The following NOL4 variants were observed in gnomAD, a reference collection of about 807,000 sequenced individuals.
NOL4 encodes cancer/testis antigen 125.
A neutral mutation model predicts 75.9 loss-of-function variants in NOL4; 17 were observed. The ratio of observed to expected loss-of-function variants is 0.22; its 90% CI spans 0.15 to 0.34. The LOEUF is 0.34. NOL4 is among the 10% of genes least tolerant of loss of function. The pLI is 1.00. For synonymous variants in NOL4, 292 were observed against 289.9 expected, an observed-to-expected ratio of 1.01 and a Z score of -0.07; for missense variants, 614 against 793.5, an observed-to-expected ratio of 0.77 and a Z score of 2.72.
At chr18:33,959,722 AC>A (rs1282503105) in intron 6 of NOL4, among the ~76,000 whole-genome samples, 1 of 152,106 alleles carries the variant, frequency 6.6e-6, no homozygotes, top group Non-Finnish European at 1.5e-5. Flanking sequence ...ACAACTGCAT[AC>A]CTAGTCAATT....
chr18:34,189,831 G>A (rs1310461949), intron 1 of NOL4, among the ~76,000 whole-genome samples: 2 of 151,786 alleles, frequency 1.3e-5, no homozygotes, highest in African/African-American at 4.8e-5. Flanking sequence ...ATCCAAAAGA[G>A]TCATATTGGC....
intron 9 of NOL4, among the ~76,000 whole-genome samples, chr18:33,936,408 T>G (rs755490555): frequency 2.1e-4 from 4 of 19,134 alleles, no homozygotes; most frequent in African/African-American, 5.0e-4. Flanking sequence ...TAGCAGTGAG[T>G]TTTTTTTTTT....
chr18:34,152,712 A>G (rs182411894), intron 1 of NOL4, among the ~76,000 whole-genome samples: 128 of 152,014 alleles, frequency 8.4e-4, no homozygotes, highest in African/African-American at 2.9e-3. Flanking sequence ...CTCTGAGGGC[A>G]AATGCTGAAA....
intron 9 of NOL4, among the ~76,000 whole-genome samples, chr18:33,884,104 G>A (rs1329399415): frequency 6.6e-6 from 1 of 152,060 alleles, no homozygotes; most frequent in African/African-American, 2.4e-5. Flanking sequence ...TAATTTTTAT[G>A]TTAGAATTGC....
chr18:34,222,859 G>C, intron 1 of NOL4, 131 bp downstream of exon 1: 1 of 1,203,216 alleles, frequency 8.3e-7, no homozygotes, highest in East Asian at 2.4e-5. Flanking sequence ...CTTGGGGAGG[G>C]GGTTGAGGAA....
At chr18:34,074,975 GTACT>G (rs2145312858) in intron 5 of NOL4, among the ~76,000 whole-genome samples, 3 of 152,236 alleles carry the variant, frequency 2.0e-5, no homozygotes, top group African/African-American at 7.2e-5. Context: ...CTCATAGTAA[GTACT>G]TAATAATTAA....
At chr18:34,124,580 G>A (rs2080296337) in intron 2 of NOL4, among the ~76,000 whole-genome samples, 1 of 151,866 alleles carries the variant, frequency 6.6e-6, no homozygotes, top group Non-Finnish European at 1.5e-5. Context: ...CATACCAAAC[G>A]CTATTAGGTG....
intron 1 of NOL4, among the ~76,000 whole-genome samples, chr18:34,146,296 T>C (rs2081388808): frequency 6.6e-6 from 1 of 151,958 alleles, no homozygotes; most frequent in Non-Finnish European, 1.5e-5. Context: ...CATGAAGTCT[T>C]TGCCTATGCC....
chr18:34,142,376 G>C (rs1427544736), intron 1 of NOL4, among the ~76,000 whole-genome samples: 1 of 152,156 alleles, frequency 6.6e-6, no homozygotes, highest in Non-Finnish European at 1.5e-5. Context: ...AAAGACATAT[G>C]CACATGTATG....
chr18:34,043,876 C>T (rs1211387053), intron 5 of NOL4, among the ~76,000 whole-genome samples: 1 of 152,060 alleles, frequency 6.6e-6, no homozygotes, highest in Non-Finnish European at 1.5e-5. Context: ...TTTTGACTTT[C>T]TAATTCAAGA....
At chr18:34,222,616 G>C (rs1238948049) in intron 1 of NOL4, 1 of 299,340 alleles carries the variant, frequency 3.3e-6, no homozygotes, top group East Asian at 1.7e-4. Flanking sequence ...CTTTAGGCGC[G>C]GTGGCGGCGG....
intron 6 of NOL4, among the ~76,000 whole-genome samples, chr18:33,958,812 T>C (rs999332329): frequency 6.6e-6 from 1 of 152,096 alleles, no homozygotes; most frequent in Non-Finnish European, 1.5e-5. Flanking sequence ...CAGAGCATTG[T>C]CAATATTAGT....
rs775300817 is a variant in NOL4, at chr18:33,943,113, C to T, written c.1494G>A (p.Glu498=). 1 of 1,611,596 alleles carries T rather than the reference C, an allele frequency of 6.2e-7. No individual in the cohort carries two copies. The highest frequency in any genetic ancestry group is 8.5e-7 in the Non-Finnish European group (1 of 1,178,714). Residue 498 remains glutamate, a synonymous_variant, in exon 9 of 11, where the codon GAG becomes GAA. Coordinates refer to ENST00000261592, the MANE Select transcript of NOL4 (RefSeq NM_003787.5). The part of the protein sequence containing the change: ...VAESILASAC[E]SESRNAAKRM... The stretch of plus-strand genomic sequence containing the variant: ...TCTTGGCGGCATTTCTACTCTCACT[C>T]TCACAAGCTGAAGCCAAGATACTCT...
At chr18:33,853,188 G>C (rs2062695190) in intron 10 of NOL4, among the ~76,000 whole-genome samples, 153 bp from the exon 11 acceptor site, 1 of 152,122 alleles carries the variant, frequency 6.6e-6, no homozygotes, top group Non-Finnish European at 1.5e-5. Flanking sequence ...CTCTCAGAAA[G>C]ATTAATGAGC....
At position 34,185,402 on chromosome 18, in the gene NOL4, C is replaced by T. The variant is rs74853116; in HGVS notation, c.264+37588G>A. On this transcript the variant is annotated intron_variant, in intron 1 of 10. Coordinates refer to ENST00000261592, the MANE Select transcript of NOL4 (RefSeq NM_003787.5). ...GGAAGAAGGCCAGATGACATCTGTGCACATCATGAGGTGTGCTGCAGGAAA... is the reference window on the plus strand; with the variant it reads ...GGAAGAAGGCCAGATGACATCTGTGTACATCATGAGGTGTGCTGCAGGAAA... 6.8e-3 allele frequency among the ~76,000 whole-genome samples: 1,040 copies of T among 152,160 alleles called. 13 individuals carry two copies. Among genetic ancestry groups the T allele is most frequent in the African/African-American group, 0.023 (951 of 41,500 alleles).
intron 1 of NOL4, among the ~76,000 whole-genome samples, chr18:34,169,315 A>G (rs1224933252): frequency 6.6e-6 from 1 of 152,066 alleles, no homozygotes; most frequent in East Asian, 1.9e-4. Flanking sequence ...AGCTCCTTAC[A>G]TCATGTAAGT....
intron 1 of NOL4, among the ~76,000 whole-genome samples, chr18:34,177,669 G>T (rs1379366999): frequency 6.6e-6 from 1 of 151,732 alleles, no homozygotes; most frequent in Non-Finnish European, 1.5e-5. Context: ...AATTAGGAAG[G>T]CCAAAGCAAT....
At chr18:34,018,529 G>T (rs2074841363) in intron 6 of NOL4, among the ~76,000 whole-genome samples, 1 of 152,086 alleles carries the variant, frequency 6.6e-6, no homozygotes, top group African/African-American at 2.4e-5. Flanking sequence ...CTGACTTAGA[G>T]GTAAGGGCTG....
chr18:33,925,032 TCTTA>T (rs2067245266), intron 9 of NOL4, among the ~76,000 whole-genome samples: 1 of 152,198 alleles, frequency 6.6e-6, no homozygotes, highest in African/African-American at 2.4e-5. Flanking sequence ...GAAACACATT[TCTTA>T]CTTGTGTAAA....
Sources: gnomAD v4.1 joint callset for allele counts (sites outside exome capture counted in the v4.1 genomes callset) on GRCh38, gnomAD v4.1.1 for gene constraint, MANE v1.5 for transcripts, NCBI Gene and HGNC (gene_info 2026-07-23, HGNC 2026-07-21) for gene names.